The following ARHGEF2 variants were observed in gnomAD, a reference collection of about 807,000 sequenced individuals.
ARHGEF2 encodes the protein Rho/Rac guanine nucleotide exchange factor 2.
In ARHGEF2, 22 loss-of-function variants were observed where a neutral mutation model predicts 121.0. The ratio of observed to expected loss-of-function variants is 0.18; its 90% confidence interval spans 0.13 to 0.26. The LOEUF (loss-of-function observed/expected upper bound fraction) is 0.26. Among genes scored for constraint, ARHGEF2 ranks in the 10% least tolerant of loss-of-function variants. The probability of loss-of-function intolerance (pLI) is 1.00; values close to 1 mark genes in which losing one functional copy is unlikely to be tolerated. For missense variants in ARHGEF2, 907 were observed against 1,336.0 expected (o/e 0.68, Z 5.01); for synonymous variants, 487 against 530.0 (o/e 0.92, Z 1.11).
At position 155,947,612 on chromosome 1, in the gene ARHGEF2, A is replaced by G; in HGVS notation, c.*330T>C. ...TCAAGGACAAGGCCCTCTGATCCCT[A>G]TGGCTTGGTTCCCATGTCCCTGGTC... is the stretch of plus-strand genomic sequence containing the variant. On this transcript the variant is annotated 3_prime_UTR_variant, in exon 22 of 22. Coordinates refer to ENST00000361247, the MANE Select transcript of ARHGEF2 (RefSeq NM_001162383.2). 2.7e-6 allele frequency: 1 copy of G among 368,764 alleles called. No individual in the cohort carries two copies. The highest frequency in any genetic ancestry group is 6.3e-5 in the East Asian group (1 of 15,760). The allele number at this position is 368,764 out of a possible 1,614,324, so 22.8% of individuals were successfully genotyped here.
At chr1:155,977,976 C>A (rs1044848763) in intron 1 of ARHGEF2, 17 of 638,326 alleles carry the variant, frequency 2.7e-5, no homozygotes, top group Non-Finnish European at 3.4e-5. Flanking sequence ...CAAGCCCAAG[C>A]CGGTGGGGCC....
intron 11 of ARHGEF2, among the ~76,000 whole-genome samples, chr1:155,958,882 C>T (rs572747365): frequency 1.7e-4 from 23 of 135,918 alleles, no homozygotes; most frequent in Non-Finnish European, 2.6e-4. Flanking sequence ...CCTGGTCACA[C>T]ATTCTTACAG....
intron 1 of ARHGEF2, chr1:155,969,901 ACT>A: frequency 1.3e-5 from 13 of 985,194 alleles, no homozygotes; most frequent in Non-Finnish European, 1.6e-5. Context: ...CAGACCTCTA[ACT>A]CTTTTCACCA....
Position 155,963,188 on chromosome 1 carries a change from G to T in ARHGEF2, c.725-5C>A, listed in dbSNP as rs1425693565. The T allele has an allele frequency of 7.5e-6, 12 of 1,604,734 alleles. No homozygotes were observed. The highest frequency in any genetic ancestry group is 9.3e-6 in the Non-Finnish European group (11 of 1,177,652). ...GCAGCTCTGTCTGGATTAGCTCTGTGGGGGACATTGGGACATTTGGCCTCT... is the reference window on the plus strand; with the variant it reads ...GCAGCTCTGTCTGGATTAGCTCTGTTGGGGACATTGGGACATTTGGCCTCT... On this transcript the variant is annotated splice_region_variant and splice_polypyrimidine_tract_variant and intron_variant, in intron 7 of 21. Coordinates refer to ENST00000361247, the MANE Select transcript of ARHGEF2 (RefSeq NM_001162383.2).
chr1:155,969,201 C>A lies in ARHGEF2; in HGVS notation c.163G>T (p.Ala55Ser), dbSNP rs755253758. ...ISVSGMTMCY[A>S]CNKSITAKEA... is the part of the protein sequence containing the mutation. The stretch of plus-strand genomic sequence containing the variant: ...TTGGCTGTGATGCTCTTGTTACAGG[C>A]ATAGCACATGGTCATGCCTGAAACT... The change falls in exon 2 of 22, where the codon GCC (alanine) becomes TCC (serine). Residue 55 changes from alanine to serine, a missense_variant. By Grantham distance (99) the Ala-to-Ser change is moderately conservative (BLOSUM62 1). Around this residue, in one of 2 missense-constraint regions of ARHGEF2, gnomAD observed 475 missense variants for 776.5 expected, o/e 0.61. Coordinates refer to ENST00000361247, the MANE Select transcript of ARHGEF2 (RefSeq NM_001162383.2). The A allele has an allele frequency of 3.1e-6, 5 of 1,614,228 alleles. No individual in the cohort carries two copies. Among genetic ancestry groups the A allele is most frequent in the South Asian group, 1.1e-5 (1 of 91,092 alleles).
upstream of ARHGEF2, among the ~76,000 whole-genome samples, chr1:155,979,585 G>C (rs1681936179): frequency 6.6e-6 from 1 of 152,244 alleles, no homozygotes; most frequent in African/African-American, 2.4e-5. Flanking sequence ...GCCTGGGACA[G>C]AGCCTTCGGT....
chr1:155,978,154 G>C lies in ARHGEF2; in HGVS notation c.63+211C>G. On this transcript the variant is annotated intron_variant, in intron 1 of 21. Coordinates refer to ENST00000361247, the MANE Select transcript of ARHGEF2 (RefSeq NM_001162383.2). This position sits in a 1 kb window ranked among gnomAD's most constrained non-coding sequence, Gnocchi z 4.1. Reference sequence around the variant, plus strand: ...CCCAGGTCCGCTCCGCTCCCTCCCGGGATCCCAGCACCGTCGCGTCTGCCG... The same window carrying C: ...CCCAGGTCCGCTCCGCTCCCTCCCGCGATCCCAGCACCGTCGCGTCTGCCG... 7.8e-7 allele frequency: 1 copy of C among 1,279,856 alleles called. No individual in the cohort carries two copies. 79.3% of individuals were successfully genotyped at this position (1,279,856 alleles called of 1,614,324 possible).
intron 21 of ARHGEF2, among the ~76,000 whole-genome samples, chr1:155,949,999 C>T (rs911805474): frequency 2.0e-5 from 3 of 152,062 alleles, no homozygotes; most frequent in African/African-American, 7.2e-5. Context: ...TGAGCTCAAG[C>T]GATCCTCCTG....
chr1:155,967,158 C>T (rs184553546), intron 2 of ARHGEF2, among the ~76,000 whole-genome samples: 19 of 152,192 alleles, frequency 1.2e-4, no homozygotes, highest in East Asian at 9.7e-4. Context: ...GCCTGAAGGG[C>T]GGACCAGAGG....
rs140473347 is a variant in ARHGEF2, at chr1:155,948,908, C to T, written c.2888-893G>A. Among the ~76,000 whole-genome samples, 1,229 of 152,188 alleles carry T rather than the reference C, an allele frequency of 8.1e-3. 16 individuals are homozygous for T. The highest frequency in any genetic ancestry group is 0.028 in the African/African-American group (1,169 of 41,506). ...ATCCTCTCACCTCACTCTCACTCTC[C>T]GTAGCTAGGACTACAGGCTCACTCC... On this transcript the variant is annotated intron_variant, in intron 21 of 21. Transcript: ENST00000361247.
chr1:155,952,008 T>C (rs376884784), intron 16 of ARHGEF2, 22 bp from the exon 17 acceptor site: 4 of 1,614,000 alleles, frequency 2.5e-6, no homozygotes, highest in Non-Finnish European at 3.4e-6. Flanking sequence ...GAGAAAAGGA[T>C]GGCTGAGCTC....
intron 12 of ARHGEF2, 54 bp downstream of exon 12, chr1:155,958,266 G>C (rs1475993240): frequency 8.0e-6 from 12 of 1,495,072 alleles, no homozygotes; most frequent in Non-Finnish European, 1.0e-5. Flanking sequence ...AGGAAAGCAA[G>C]AAGAGACTAA....
At chr1:155,953,789 G>C (rs1572070110) in intron 14 of ARHGEF2, among the ~76,000 whole-genome samples, 1 of 151,648 alleles carries the variant, frequency 6.6e-6, no homozygotes, top group South Asian at 2.1e-4. Context: ...AAGAAAAAAG[G>C]GTATAAACTC....
intron 11 of ARHGEF2, among the ~76,000 whole-genome samples, chr1:155,959,133 C>A (rs542153422): frequency 6.6e-6 from 1 of 152,256 alleles, no homozygotes; most frequent in East Asian, 1.9e-4. Context: ...TACATATTAA[C>A]ATAACTCGTG....
rs377304165 is a variant in ARHGEF2 at position 155,961,554 on chromosome 1, GT to G, written c.1468+106del. On this transcript the variant is annotated intron_variant, in intron 11 of 21. Transcript: ENST00000361247. This position sits in a 1 kb window ranked among gnomAD's most constrained non-coding sequence, Gnocchi z 4.7. ...CTCCCTAAGTGCTGGGATTACAGGC[GT>G]TGAGCCACTGCACCCGGCCAAGAGA... The G allele has an allele frequency of 1.1e-3, 1,597 of 1,486,488 alleles. 13 individuals are homozygous for G. In the African/African-American group the frequency reaches 0.02, roughly 18 times the overall value. The allele number at this position is 1,486,488 out of a possible 1,614,324, so 92.1% of individuals were successfully genotyped here. A position where few individuals can be genotyped will look rare whatever the true frequency, so the allele number is the denominator to read the frequency against.
chr1:155,951,203 G>A lies in ARHGEF2; in HGVS notation c.2329C>T (p.Leu777=), dbSNP rs758771599. The A allele has an allele frequency of 6.2e-7, 1 of 1,607,458 alleles. No individual in the cohort carries two copies. The highest frequency in any genetic ancestry group is 1.1e-5 in the South Asian group (1 of 90,454). Residue 777 remains leucine (L), a synonymous_variant, in exon 20 of 22, where the codon CTG becomes TTG. Coordinates refer to ENST00000361247, the MANE Select transcript of ARHGEF2 (RefSeq NM_001162383.2). This position sits in a 1 kb window ranked among gnomAD's most constrained non-coding sequence, Gnocchi z 5.1. ...FPEGPERREK[L]CRANSRDGEA... is the part of the protein sequence containing the mutation. ...CCATCCCGAGAGTTGGCTCGGCACAGCTTCTCCCGCCGCTCAGGGCCCTCA... is the reference window on the plus strand; with the variant it reads ...CCATCCCGAGAGTTGGCTCGGCACAACTTCTCCCGCCGCTCAGGGCCCTCA...
At chr1:155,967,779 G>A (rs951135288) in intron 2 of ARHGEF2, among the ~76,000 whole-genome samples, 8 of 152,222 alleles carry the variant, frequency 5.3e-5, no homozygotes, top group African/African-American at 1.7e-4. Context: ...GACCCTGGCC[G>A]TGCCCTTCCC....
rs1356469411 is a variant in ARHGEF2 at position 155,961,391 on chromosome 1, C to G, written c.1468+270G>C. 6.6e-6 allele frequency among the ~76,000 whole-genome samples: 1 copy of G among 151,858 alleles called. No individual in the cohort carries two copies. Among genetic ancestry groups the G allele is most frequent in the African/African-American group, 2.4e-5 (1 of 41,328 alleles). The stretch of plus-strand genomic sequence containing the variant: ...CTGGGTTCACGCCATTCTCCTGCCT[C>G]AGCCTCCTGAGTAGCTGGGACTATA... On this transcript the variant is annotated intron_variant, in intron 11 of 21. Transcript: ENST00000361247. The surrounding 1 kb of genome is among the most constrained non-coding windows in gnomAD (Gnocchi z 4.7).
chr1:155,978,124 C>T lies in ARHGEF2; in HGVS notation c.63+241G>A. On this transcript the variant is annotated intron_variant, in intron 1 of 21. Transcript: ENST00000361247. This position sits in a 1 kb window ranked among gnomAD's most constrained non-coding sequence, Gnocchi z 4.1. The stretch of plus-strand genomic sequence containing the variant: ...CTCGGTCCCGCCGGCTTGGAGGCGA[C>T]CAAGCCCAGGTCCGCTCCGCTCCCT... 4 of 1,243,118 alleles carry T rather than the reference C, an allele frequency of 3.2e-6. No homozygotes were observed. Among genetic ancestry groups the T allele is most frequent in the Non-Finnish European group, 4.0e-6 (4 of 988,606 alleles). 77.0% of individuals were successfully genotyped at this position (1,243,118 alleles called of 1,614,324 possible).
Sources: gnomAD v4.1 joint callset for allele counts (sites outside exome capture counted in the v4.1 genomes callset) on GRCh38, gnomAD v4.1.1 for gene constraint, gnomAD v4.1.1 regional missense constraint, Gnocchi (gnomAD v3.1) non-coding constraint, MANE v1.5 for transcripts, NCBI Gene and HGNC (gene_info 2026-07-23, HGNC 2026-07-21) for gene names.